Variants in EYA2 observed in about 807,000 individuals in gnomAD.
EYA2 encodes EYA transcriptional coactivator and phosphatase 2, also known as protein phosphatase EYA2.
In EYA2, 31 loss-of-function variants were observed where a neutral mutation model predicts 69.2. The observed-to-expected ratio is 0.45, with a 90% CI of 0.34 to 0.60. The LOEUF (loss-of-function observed/expected upper bound fraction) is 0.60. Ranked by LOEUF, EYA2 falls within the 20% of genes least tolerant of loss-of-function variation. The pLI, the probability that EYA2 is intolerant of heterozygous loss-of-function variation, is 0.02. For synonymous variants in EYA2, 257 were observed against 279.4 expected (o/e 0.92, Z 0.80); for missense variants, 622 against 701.2 (o/e 0.89, Z 1.28).
rs1220500494 is a variant in EYA2, at chr20:46,899,488, T to A, written c.-11+4501T>A. 2.0e-5 allele frequency among the ~76,000 whole-genome samples: 3 copies of A among 152,212 alleles called. No homozygotes were observed. The East Asian group carries it at 5.8e-4, about 29-fold the overall frequency. On this transcript the variant is annotated intron_variant, in intron 1 of 15. Coordinates refer to ENST00000327619, the MANE Select transcript of EYA2 (RefSeq NM_005244.5). Reference sequence around the variant, plus strand: ...TGATTTATTCCTTCGATACTAACACTACGCATTTCAGGTCCTAAAAAGAGT... The same window carrying A: ...TGATTTATTCCTTCGATACTAACACAACGCATTTCAGGTCCTAAAAAGAGT...
chr20:46,960,031 C>T (rs757726587), intron 1 of EYA2, among the ~76,000 whole-genome samples: 4 of 152,206 alleles, frequency 2.6e-5, no homozygotes, highest in Non-Finnish European at 4.4e-5. Context: ...TTTAAGTGCC[C>T]CTCTGGCCAC....
intron 14 of EYA2, 142 bp from the exon 15 acceptor site, chr20:47,183,149 C>T: frequency 1.4e-6 from 1 of 731,720 alleles, no homozygotes; most frequent in Non-Finnish European, 2.4e-6. Flanking sequence ...GGGCTCACCT[C>T]AGAAGTTTGC....
In EYA2 at chr20:47,016,266, T is replaced by C. The variant is rs778332979; in HGVS notation, c.384T>C (p.Thr128=). 1 of 1,614,182 alleles carries C rather than the reference T, an allele frequency of 6.2e-7. No individual in the cohort carries two copies. Among genetic ancestry groups the C allele is most frequent in the Non-Finnish European group, 8.5e-7 (1 of 1,180,012 alleles). The part of the protein sequence containing the change: ...SYGSSFSTSP[T]GQSPYTYQMH... The stretch of plus-strand genomic sequence containing the variant: ...GCTCCAGCTTCAGCACCTCACCCAC[T>C]GGACAGAGCCCATACACCTACCAGA... Residue 128 remains threonine (T), a synonymous_variant, in exon 5 of 16, where the codon ACT becomes ACC. Transcript: ENST00000327619.
intron 1 of EYA2, among the ~76,000 whole-genome samples, chr20:46,925,904 T>C (rs943277425): frequency 3.3e-5 from 5 of 149,460 alleles, no homozygotes; most frequent in East Asian, 4.9e-4. Flanking sequence ...TTGGGAACTG[T>C]CCAGGTGCTC....
chr20:46,976,391 T>TTTTGTTTGTGTGTTTA (rs1980462182), intron 1 of EYA2, among the ~76,000 whole-genome samples: 2 of 151,890 alleles, frequency 1.3e-5, no homozygotes, highest in African/African-American at 4.8e-5. Flanking sequence ...AGTTTTTGGG[T>TTTTGTTTGTGTGTTTA]TTTGTTTTGT....
chr20:47,160,677 G>A (rs1034721324), intron 10 of EYA2, among the ~76,000 whole-genome samples: 4 of 152,126 alleles, frequency 2.6e-5, no homozygotes, highest in East Asian at 1.9e-4. Flanking sequence ...CAGTGTGTAC[G>A]CATCTTGAAT....
chr20:46,959,390 C>A (rs1053460248), intron 1 of EYA2, among the ~76,000 whole-genome samples: 1 of 152,148 alleles, frequency 6.6e-6, no homozygotes, highest in Non-Finnish European at 1.5e-5. Context: ...TTAGCAGTAT[C>A]CCTGGCCTCT....
At chr20:47,035,914 G>A (rs1984681300) in intron 5 of EYA2, among the ~76,000 whole-genome samples, 1 of 152,148 alleles carries the variant, frequency 6.6e-6, no homozygotes, top group Non-Finnish European at 1.5e-5. Context: ...GGGAGGCTGA[G>A]GTGGGAGAAT....
At chr20:47,106,275 C>T (rs900454874) in intron 9 of EYA2, among the ~76,000 whole-genome samples, 3 of 152,158 alleles carry the variant, frequency 2.0e-5, no homozygotes, top group Admixed American at 1.3e-4. Flanking sequence ...CTGTAGCCCC[C>T]GGACCTAGCA....
intron 9 of EYA2, among the ~76,000 whole-genome samples, chr20:47,102,472 G>T (rs8116756): frequency 0.19 from 28,220 of 152,164 alleles, 2,760 homozygotes; most frequent in South Asian, 0.26. Context: ...TCCATGACAA[G>T]AACCAGCAGC....
intron 2 of EYA2, 107 bp from the exon 3 acceptor site, chr20:47,001,321 G>C (rs1221307680): frequency 1.1e-6 from 1 of 920,060 alleles, no homozygotes; most frequent in African/African-American, 1.6e-5. Flanking sequence ...GCCGCGGGCA[G>C]CACCCCTCCA....
chr20:47,169,084 CA>C (rs1191755654), intron 10 of EYA2, 54 bp from the exon 11 acceptor site: 1 of 1,543,884 alleles, frequency 6.5e-7, no homozygotes, highest in Non-Finnish European at 8.9e-7. Context: ...AAGGCTACAT[CA>C]GATTAACCAG....
At chr20:46,926,702 A>G (rs765871874) in intron 1 of EYA2, among the ~76,000 whole-genome samples, 1 of 152,226 alleles carries the variant, frequency 6.6e-6, no homozygotes, top group Non-Finnish European at 1.5e-5. Context: ...TAACCATCAC[A>G]CTAATGAAAG....
In EYA2 at chr20:47,097,162, C is replaced by T. The variant is rs774631831; in HGVS notation, c.882C>T (p.Tyr294=). ...SLLTGTFASR[Y]GKDTTTSVRI... ...TCACGGGGACATTTGCATCCAGATA[C>T]GGGAAGGTAAGAATCCATTTTGTCT... is the stretch of plus-strand genomic sequence containing the variant. The change falls in exon 9 of 16, where the codon TAC becomes TAT. Residue 294 remains tyrosine (Y), a synonymous_variant. Coordinates refer to ENST00000327619, the MANE Select transcript of EYA2 (RefSeq NM_005244.5). 1.0e-5 allele frequency: 16 copies of T among 1,607,750 alleles called. No homozygotes were observed. Among genetic ancestry groups the T allele is most frequent in the Admixed American group, 5.1e-5 (3 of 59,090 alleles).
At chr20:46,940,038 G>A (rs1340977001) in intron 1 of EYA2, among the ~76,000 whole-genome samples, 3 of 152,070 alleles carry the variant, frequency 2.0e-5, no homozygotes, top group Admixed American at 6.5e-5. Context: ...AACCTACTAC[G>A]TGCGAGGATC....
At chr20:47,178,864 G>A (rs1010267061) in intron 12 of EYA2, among the ~76,000 whole-genome samples, 12 of 101,766 alleles carry the variant, frequency 1.2e-4, no homozygotes, top group African/African-American at 4.5e-4. Flanking sequence ...GGGTAGATAC[G>A]TGGGTAGGTG....
At chr20:46,905,323 A>G (rs1984300980) in intron 1 of EYA2, among the ~76,000 whole-genome samples, 1 of 152,200 alleles carries the variant, frequency 6.6e-6, no homozygotes, top group Admixed American at 6.5e-5. Flanking sequence ...GGCCTGTTGT[A>G]CCACATGACC....
intron 1 of EYA2, among the ~76,000 whole-genome samples, chr20:46,899,910 G>A (rs974847250): frequency 6.6e-5 from 10 of 152,178 alleles, no homozygotes; most frequent in African/African-American, 2.4e-4. Context: ...TCTGCCTTCA[G>A]ATATATGCAG....
At chr20:47,004,521 C>G (rs954107619) in intron 3 of EYA2, among the ~76,000 whole-genome samples, 4 of 152,128 alleles carry the variant, frequency 2.6e-5, no homozygotes, top group African/African-American at 9.7e-5. Context: ...TGGGGTGAAA[C>G]CCTGCAAGGC....
Sources: allele counts gnomAD v4.1 joint callset (sites outside exome capture counted in the v4.1 genomes callset), GRCh38; gene constraint gnomAD v4.1.1; transcripts MANE v1.5; gene names NCBI Gene and HGNC (gene_info 2026-07-23, HGNC 2026-07-21).